SDK1: variants seen among roughly 807,000 people sequenced by gnomAD.
The protein encoded by SDK1 is sidekick cell adhesion molecule 1.
Under a neutral mutation model 245.5 loss-of-function variants are expected in SDK1, and 157 were observed. That is an observed-to-expected ratio of 0.64 (90% CI 0.56 to 0.73). The LOEUF is 0.73. Ranked by LOEUF, SDK1 falls within the 30% of genes least tolerant of loss-of-function variation. The pLI is 0.00. For missense variants in SDK1, 3,583 were observed against 3,002.3 expected (o/e 1.19, Z -4.52); for synonymous variants, 1,647 against 1,278.5 (o/e 1.29, Z -6.15).
At chr7:3,373,137 G>T (rs115036736) in intron 1 of SDK1, among the ~76,000 whole-genome samples, 1 of 152,142 alleles carries the variant, frequency 6.6e-6, no homozygotes. Context: ...TGAAAATATT[G>T]TAAGTTGAAA....
intron 4 of SDK1, among the ~76,000 whole-genome samples, chr7:3,713,148 C>T (rs1785097117): frequency 6.6e-6 from 1 of 152,252 alleles, no homozygotes; most frequent in Admixed American, 6.5e-5. Context: ...TCTGCCAGCA[C>T]ACCCCTGAGA....
chr7:3,899,137 A>G (rs988138526), intron 5 of SDK1, among the ~76,000 whole-genome samples: 2 of 152,200 alleles, frequency 1.3e-5, no homozygotes, highest in African/African-American at 2.4e-5. Flanking sequence ...AAGTGAAACA[A>G]TGTGTGAGAA....
Position 3,579,940 on chromosome 7 carries a change from A to G in SDK1, c.299-39140A>G, listed in dbSNP as rs111262139. Among the ~76,000 whole-genome samples the G allele has an allele frequency of 6.4e-3, 978 of 152,342 alleles. 9 individuals are homozygous for G. Among genetic ancestry groups the G allele is most frequent in the South Asian group, 0.018 (88 of 4,826 alleles). ...TCTTCAGCTGATAAACAATTTCAGCAAAGTTTCAGGATACAAAATCGGTGT... is the reference window on the plus strand; with the variant it reads ...TCTTCAGCTGATAAACAATTTCAGCGAAGTTTCAGGATACAAAATCGGTGT... On this transcript the variant is annotated intron_variant, in intron 1 of 44. Coordinates refer to ENST00000404826, the MANE Select transcript of SDK1 (RefSeq NM_152744.4).
chr7:3,607,973 A>G (rs1781473748), intron 1 of SDK1, among the ~76,000 whole-genome samples: 1 of 152,208 alleles, frequency 6.6e-6, no homozygotes, highest in African/African-American at 2.4e-5. Context: ...GGCCAAAATC[A>G]TTTCATCAGA....
At chr7:3,488,107 T>G (rs1583936022) in intron 1 of SDK1, among the ~76,000 whole-genome samples, 3 of 152,320 alleles carry the variant, frequency 2.0e-5, no homozygotes, top group Admixed American at 2.0e-4. Context: ...TTGTGCAGAT[T>G]CATCTCTTTA....
At chr7:3,461,113 T>C (rs1238812138) in intron 1 of SDK1, among the ~76,000 whole-genome samples, 3 of 152,176 alleles carry the variant, frequency 2.0e-5, no homozygotes, top group Non-Finnish European at 2.9e-5. Context: ...GGTTGATGTG[T>C]TGTACAAACC....
Position 3,455,803 on chromosome 7 carries a change from G to A in SDK1, c.298+153919G>A, listed in dbSNP as rs988555643. Among the ~76,000 whole-genome samples the A allele has an allele frequency of 6.6e-5, 10 of 152,250 alleles. No homozygotes were observed. In the Middle Eastern group the frequency reaches 0.01, roughly 155 times the overall value. ...TAAATTTTTAAATAGTCTTATCTGT[G>A]TCTGTAAAAAAACTTTGCTGAGATT... On this transcript the variant is annotated intron_variant, in intron 1 of 44. Coordinates refer to ENST00000404826, the MANE Select transcript of SDK1 (RefSeq NM_152744.4).
At chr7:3,646,930 T>C (rs966319566) in intron 4 of SDK1, among the ~76,000 whole-genome samples, 4 of 152,104 alleles carry the variant, frequency 2.6e-5, no homozygotes, top group African/African-American at 7.2e-5. Context: ...AAGCAGAACA[T>C]TGGTTGCCAG....
chr7:3,583,793 C>T (rs772924042), intron 1 of SDK1, among the ~76,000 whole-genome samples: 7 of 152,088 alleles, frequency 4.6e-5, no homozygotes, highest in African/African-American at 1.4e-4. Context: ...ACCGAGAGGG[C>T]GGCATCTGCA....
At position 3,421,037 on chromosome 7, in the gene SDK1, A is replaced by G. The variant is rs1278096917; in HGVS notation, c.298+119153A>G. ...TGTTTAAGCAGCTTTGTTGAGAAAG[A>G]GTAAATTAAAGCTTTTATCAATTTT... is the stretch of plus-strand genomic sequence containing the variant. On this transcript the variant is annotated intron_variant, in intron 1 of 44. Transcript: ENST00000404826. Among the ~76,000 whole-genome samples, 4 of 151,400 alleles carry G rather than the reference A, an allele frequency of 2.6e-5. No homozygotes were observed. The East Asian group carries it at 7.7e-4, about 29-fold the overall frequency.
At chr7:3,823,952 G>GT (rs5882006) in intron 5 of SDK1, among the ~76,000 whole-genome samples, 1,381 of 134,900 alleles carry the variant, frequency 0.01, 10 homozygotes, top group African/African-American at 0.03. Context: ...GTTTTTTTGT[G>GT]TTTTTTTTTT....
At chr7:4,082,182 A>G (rs1395368319) in intron 22 of SDK1, among the ~76,000 whole-genome samples, 1 of 152,044 alleles carries the variant, frequency 6.6e-6, no homozygotes, top group Non-Finnish European at 1.5e-5. Context: ...CTGTCTTTTG[A>G]TCTGGGTGCT....
intron 4 of SDK1, among the ~76,000 whole-genome samples, chr7:3,777,918 A>G (rs189516048): frequency 6.6e-6 from 1 of 152,324 alleles, no homozygotes; most frequent in East Asian, 1.9e-4. Context: ...CCCTAATTAT[A>G]AACAATAAAA....
At chr7:3,613,837 G>T (rs1290636547) in intron 1 of SDK1, among the ~76,000 whole-genome samples, 1 of 152,132 alleles carries the variant, frequency 6.6e-6, no homozygotes, top group Admixed American at 6.5e-5. Context: ...GAGATGGATG[G>T]AGCTGGAGGC....
intron 28 of SDK1, among the ~76,000 whole-genome samples, chr7:4,143,394 A>T (rs529613297): frequency 6.6e-6 from 1 of 152,282 alleles, no homozygotes; most frequent in African/African-American, 2.4e-5. Context: ...TATTAAAGCC[A>T]GGAGCAACCA....
At chr7:4,008,318 C>A (rs6970375) in intron 14 of SDK1, among the ~76,000 whole-genome samples, 34,182 of 152,220 alleles carry the variant, frequency 0.22, 4,319 homozygotes, top group African/African-American at 0.35. Context: ...TTAGGAATAA[C>A]GCTCAAAATC....
At chr7:4,033,251 C>G (rs1163643290) in intron 17 of SDK1, among the ~76,000 whole-genome samples, 1 of 150,250 alleles carries the variant, frequency 6.7e-6, no homozygotes, top group Non-Finnish European at 1.5e-5. Flanking sequence ...AAGTGGATAC[C>G]TATATGGAAA....
intron 1 of SDK1, among the ~76,000 whole-genome samples, chr7:3,368,425 A>G (rs1781143988): frequency 6.6e-6 from 1 of 152,216 alleles, no homozygotes. Flanking sequence ...CAAATCCCAT[A>G]TCTCTTACTA....
At chr7:3,946,498 A>G (rs1780585025) in intron 5 of SDK1, among the ~76,000 whole-genome samples, 1 of 150,650 alleles carries the variant, frequency 6.6e-6, no homozygotes, top group Non-Finnish European at 1.5e-5. Context: ...TTTTTCTTGG[A>G]TAGAGACAGG....
Sources: allele counts gnomAD v4.1 joint callset (sites outside exome capture counted in the v4.1 genomes callset), GRCh38; gene constraint gnomAD v4.1.1; transcripts MANE v1.5; gene names NCBI Gene and HGNC (gene_info 2026-07-23, HGNC 2026-07-21).